Variants in UNC79 observed in about 807,000 individuals in gnomAD.
The protein encoded by UNC79 is protein unc-79 homolog.
UNC79 carries 37 observed loss-of-function variants against 283.1 expected under a neutral mutation model. The observed-to-expected ratio is 0.13, with a 90% CI of 0.10 to 0.17. UNC79 has a LOEUF of 0.17. Among genes scored for constraint, UNC79 ranks in the 10% least tolerant of loss-of-function variants. UNC79 has a pLI of 1.00. For synonymous variants in UNC79, 1,107 were observed against 1,200.2 expected (o/e 0.92, Z 1.61); for missense variants, 2,272 against 3,211.1 (o/e 0.71, Z 7.07).
intron 7 of UNC79, among the ~76,000 whole-genome samples, chr14:93,513,046 A>G (rs185012501): frequency 7.7e-4 from 117 of 152,266 alleles, no homozygotes; most frequent in African/African-American, 2.5e-3. Context: ...TTACTGGTGG[A>G]TCACCTTCTT....
chr14:93,662,194 G>A (rs1393621494), intron 39 of UNC79, among the ~76,000 whole-genome samples: 1 of 152,136 alleles, frequency 6.6e-6, no homozygotes, highest in African/African-American at 2.4e-5. Flanking sequence ...AGGGTGGTTT[G>A]CACTACTTAA....
rs1181453459 is a variant in UNC79 at position 93,690,156 on chromosome 14, G to C, written c.7125G>C (p.Leu2375=). ...TTGAGTGTGTCTCCCATATCCGACT[G>C]TTGTCCTGGCTGCTGCTGGGTTCCC... Residue 2375 remains leucine, a synonymous_variant, in exon 45 of 49, where the codon CTG becomes CTC. Transcript: ENST00000555664. This position sits in a 1 kb window ranked among gnomAD's most constrained non-coding sequence, Gnocchi z 4.3. 4 of 1,614,112 alleles carry C rather than the reference G, an allele frequency of 2.5e-6. No homozygotes were observed. Among genetic ancestry groups the C allele is most frequent in the Non-Finnish European group, 3.4e-6 (4 of 1,180,034 alleles).
intron 1 of UNC79, among the ~76,000 whole-genome samples, chr14:93,337,342 A>T (rs1167413937): frequency 6.6e-6 from 1 of 152,200 alleles, no homozygotes; most frequent in Non-Finnish European, 1.5e-5. Context: ...CCAGTTGTCC[A>T]TGTAACTTAT....
At chr14:93,595,941 A>G (rs1038534432) in intron 23 of UNC79, among the ~76,000 whole-genome samples, 2 of 152,158 alleles carry the variant, frequency 1.3e-5, no homozygotes, top group Non-Finnish European at 2.9e-5. Flanking sequence ...TAATATATAT[A>G]TATTTTAAAA....
At chr14:93,525,766 G>A (rs1251682750) in intron 8 of UNC79, among the ~76,000 whole-genome samples, 1 of 152,058 alleles carries the variant, frequency 6.6e-6, no homozygotes, top group African/African-American at 2.4e-5. Context: ...TCTGGTTTCT[G>A]CAGTTATTTT....
chr14:93,694,658 A>T (rs1428256101), intron 47 of UNC79, among the ~76,000 whole-genome samples: 1 of 152,098 alleles, frequency 6.6e-6, no homozygotes, highest in African/African-American at 2.4e-5. Flanking sequence ...GCTCATGCCC[A>T]TAGTCCCAGC....
chr14:93,604,845 C>T (rs1316116840), intron 26 of UNC79, 51 bp from the exon 27 acceptor site: 3 of 1,504,182 alleles, frequency 2.0e-6, no homozygotes, highest in East Asian at 4.9e-5. Context: ...ATTTTCTAGG[C>T]TCCAGTTGTC....
At chr14:93,486,768 C>G (rs961758346) in intron 4 of UNC79, among the ~76,000 whole-genome samples, 1 of 151,670 alleles carries the variant, frequency 6.6e-6, no homozygotes, top group African/African-American at 2.4e-5. Context: ...ACTGGATACA[C>G]TCTCTTAAAC....
At chr14:93,355,475 G>A (rs1350462301) in intron 1 of UNC79, among the ~76,000 whole-genome samples, 2 of 152,062 alleles carry the variant, frequency 1.3e-5, no homozygotes, top group Non-Finnish European at 1.5e-5. Context: ...GGGATTACAG[G>A]CGTGAGCCAC....
intron 41 of UNC79, among the ~76,000 whole-genome samples, chr14:93,680,362 C>G (rs1338690189): frequency 1.3e-5 from 2 of 152,202 alleles, no homozygotes; most frequent in African/African-American, 4.8e-5. Flanking sequence ...TGCAAACATA[C>G]TTAAGTGGGG....
At chr14:93,689,614 C>G (rs138179559) in intron 44 of UNC79, 5 of 153,506 alleles carry the variant, frequency 3.3e-5, no homozygotes, top group East Asian at 1.9e-4. Flanking sequence ...CTCAGCCCCC[C>G]AGTAGCTGTA....
intron 1 of UNC79, among the ~76,000 whole-genome samples, chr14:93,421,203 A>G (rs1471180766): frequency 4.0e-5 from 6 of 151,664 alleles, no homozygotes; most frequent in East Asian, 1.9e-4. Flanking sequence ...TGATAAATCT[A>G]TAGCCAGACT....
intron 1 of UNC79, among the ~76,000 whole-genome samples, chr14:93,358,011 G>A (rs1182233686): frequency 1.4e-5 from 2 of 147,562 alleles, no homozygotes; most frequent in Non-Finnish European, 3.0e-5. Context: ...CTGTCCCTCT[G>A]GAGAACTCTG....
At chr14:93,630,715 T>C (rs527793678) in intron 30 of UNC79, 86 bp from the exon 33 acceptor site, 5 of 1,008,968 alleles carry the variant, frequency 5.0e-6, no homozygotes, top group Middle Eastern at 2.1e-4. Flanking sequence ...ATGGTTGTAG[T>C]AGACAAGAGG....
intron 14 of UNC79, among the ~76,000 whole-genome samples, chr14:93,568,738 T>A (rs2063048481): frequency 6.6e-6 from 1 of 152,180 alleles, no homozygotes; most frequent in Admixed American, 6.5e-5. Context: ...CTAGTTTATA[T>A]AAGAGCTCTT....
rs1051250186 is a variant in UNC79, at chr14:93,659,651, A to G, written c.6525+390A>G. 7.9e-5 allele frequency among the ~76,000 whole-genome samples: 12 copies of G among 152,086 alleles called. 1 individual carries two copies. The highest frequency in any genetic ancestry group is 1.5e-5 in the Non-Finnish European group (1 of 68,020). ...ATGTTACTTCATAACTCTCCAGCCCACCTTTCCAATTTAATCTTTGGCTCC... is the reference window on the plus strand; with the variant it reads ...ATGTTACTTCATAACTCTCCAGCCCGCCTTTCCAATTTAATCTTTGGCTCC... On this transcript the variant is annotated intron_variant, in intron 39 of 48. Transcript: ENST00000555664.
chr14:93,403,715 ATTTT>A (rs1051733430), intron 1 of UNC79, among the ~76,000 whole-genome samples: 1 of 151,852 alleles, frequency 6.6e-6, no homozygotes, highest in Non-Finnish European at 1.5e-5. Flanking sequence ...GATTAAAAAA[ATTTT>A]TTTTTATCAA....
At chr14:93,662,814 A>G (rs565430289) in intron 40 of UNC79, 100 bp downstream of exon 43, 1 of 827,836 alleles carries the variant, frequency 1.2e-6, no homozygotes, top group Admixed American at 2.9e-5. Flanking sequence ...AGTTGCTTCC[A>G]TATAGTTAAA....
rs143981357 is a variant in UNC79, at chr14:93,362,422, C to G, written c.-351+28899C>G. On this transcript the variant is annotated intron_variant, in intron 1 of 49. Transcript: ENST00000256339. The stretch of plus-strand genomic sequence containing the variant: ...GGAGTGCAATGGCGCTATCTTGGCT[C>G]ACTGCAACCTCCACCTCCCGGGTTC... Among the ~76,000 whole-genome samples, 316 of 152,196 alleles carry G rather than the reference C, an allele frequency of 2.1e-3. 1 individual carries two copies. Among genetic ancestry groups the G allele is most frequent in the African/African-American group, 6.9e-3 (288 of 41,538 alleles).
Sources: allele counts gnomAD v4.1 joint callset (sites outside exome capture counted in the v4.1 genomes callset), GRCh38; gene constraint gnomAD v4.1.1; non-coding constraint Gnocchi (gnomAD v3.1); transcripts MANE v1.5; gene names NCBI Gene and HGNC (gene_info 2026-07-23, HGNC 2026-07-21).